Variants in ARMH4 observed in about 807,000 individuals in gnomAD.
The protein encoded by ARMH4 is armadillo-like helical domain-containing protein 4.
In ARMH4, 49 loss-of-function variants were observed where a neutral mutation model predicts 61.9. That is an observed-to-expected ratio of 0.79 (90% CI 0.63 to 1.00). The LOEUF (loss-of-function observed/expected upper bound fraction) is 1.00, where lower values mean the gene tolerates loss of function less well. Among genes scored for constraint, ARMH4 ranks in the 50% least tolerant of loss-of-function variants. ARMH4 has a pLI of 0.00. For missense variants in ARMH4, 934 were observed against 930.0 expected, an observed-to-expected ratio of 1.00 and a Z score of -0.06; for synonymous variants, 368 against 341.5, an observed-to-expected ratio of 1.08 and a Z score of -0.85.
intron 5 of ARMH4, among the ~76,000 whole-genome samples, chr14:58,015,053 T>A (rs1882556275): frequency 6.6e-6 from 1 of 152,238 alleles, no homozygotes; most frequent in Non-Finnish European, 1.5e-5. Context: ...AAGGCACTGA[T>A]AGGCTTGTGT....
intron 6 of ARMH4, among the ~76,000 whole-genome samples, chr14:58,011,843 A>G (rs574985927): frequency 6.6e-6 from 1 of 152,210 alleles, no homozygotes; most frequent in Non-Finnish European, 1.5e-5. Flanking sequence ...TGATATGTCA[A>G]TGATATTATT....
At position 58,144,977 on chromosome 14, in the gene ARMH4, T is replaced by A. The variant is rs1887691100; in HGVS notation, c.-56-5563A>T. ...AGACAAACTGACCTACTAAATTCTA[T>A]CTATATAGTCGAACAGTCATAAAAG... On this transcript the variant is annotated intron_variant, in intron 1 of 7. Transcript: ENST00000267485. Among the ~76,000 whole-genome samples, 2 of 152,222 alleles carry A rather than the reference T, an allele frequency of 1.3e-5. 1 individual carries two copies. The highest frequency in any genetic ancestry group is 1.3e-4 in the Admixed American group (2 of 15,280).
At chr14:58,077,258 A>G (rs186710840) in intron 5 of ARMH4, among the ~76,000 whole-genome samples, 130 of 152,308 alleles carry the variant, frequency 8.5e-4, no homozygotes, top group African/African-American at 3.1e-3. Flanking sequence ...TAAAGATGGT[A>G]AAGAGTGAGA....
chr14:58,100,787 T>C lies in ARMH4; in HGVS notation c.1832-3806A>G, dbSNP rs189404716. Among the ~76,000 whole-genome samples, 70 of 152,142 alleles carry C rather than the reference T, an allele frequency of 4.6e-4. 1 individual carries two copies. The highest frequency in any genetic ancestry group is 4.5e-3 in the Admixed American group (68 of 15,272). On this transcript the variant is annotated intron_variant, in intron 4 of 7. Coordinates refer to ENST00000267485, the MANE Select transcript of ARMH4 (RefSeq NM_001001872.4). ...GTACCCCCAAGACCAAGATCACAGC[T>C]TCACAATGTAGCAGGGACTCCTGGC...
chr14:58,075,600 T>C (rs537059949), intron 5 of ARMH4, among the ~76,000 whole-genome samples: 1 of 139,076 alleles, frequency 7.2e-6, no homozygotes, highest in East Asian at 2.0e-4. Flanking sequence ...CCGGGGCCTG[T>C]TGGGGGGTGG....
chr14:58,066,445 G>A (rs1428989523), intron 5 of ARMH4, among the ~76,000 whole-genome samples: 9 of 152,154 alleles, frequency 5.9e-5, no homozygotes, highest in Admixed American at 4.6e-4. Context: ...TAGGTACAGG[G>A]TTTTCTTTTG....
intron 5 of ARMH4, among the ~76,000 whole-genome samples, chr14:58,041,950 T>C (rs1430492014): frequency 6.6e-6 from 1 of 151,642 alleles, no homozygotes; most frequent in Non-Finnish European, 1.5e-5. Flanking sequence ...ATAAAGCAAG[T>C]CCTTAGAGAC....
intron 4 of ARMH4, among the ~76,000 whole-genome samples, chr14:58,111,413 C>T (rs1282601183): frequency 6.6e-6 from 1 of 152,122 alleles, no homozygotes; most frequent in African/African-American, 2.4e-5. Flanking sequence ...AAAACAAAAT[C>T]TAAGCTTTCA....
intron 1 of ARMH4, among the ~76,000 whole-genome samples, chr14:58,151,676 G>A (rs945612387): frequency 2.0e-5 from 3 of 152,248 alleles, no homozygotes; most frequent in African/African-American, 7.2e-5. Context: ...GTTGTTTTCG[G>A]GAACTTCTCT....
chr14:58,024,546 A>G lies in ARMH4; in HGVS notation c.2090-12396T>C, dbSNP rs564026556. Among the ~76,000 whole-genome samples the G allele has an allele frequency of 3.3e-5, 5 of 152,264 alleles. No individual in the cohort carries two copies. The East Asian group carries it at 9.6e-4, about 29-fold the overall frequency. On this transcript the variant is annotated intron_variant, in intron 5 of 7. Transcript: ENST00000267485. The stretch of plus-strand genomic sequence containing the variant: ...AGTAAGGTTGTTTCTATCTCTTATC[A>G]TTTGTGTGTGCACTAGAGTAGCATT...
intron 5 of ARMH4, among the ~76,000 whole-genome samples, chr14:58,093,575 T>G (rs567112707): frequency 6.6e-6 from 1 of 152,194 alleles, no homozygotes; most frequent in Admixed American, 6.5e-5. Context: ...TGTTAGGACA[T>G]AGACATCTTC....
chr14:58,120,353 C>CCA (rs59458573), intron 4 of ARMH4, among the ~76,000 whole-genome samples: 6,628 of 149,162 alleles, frequency 0.044, 210 homozygotes, highest in African/African-American at 0.09. Context: ...CTCCCCCATG[C>CCA]CACACACACA....
intron 6 of ARMH4, among the ~76,000 whole-genome samples, chr14:58,006,766 G>A (rs1462809424): frequency 7.3e-6 from 1 of 137,424 alleles, no homozygotes; most frequent in African/African-American, 2.6e-5. Context: ...GTCGTGGGGT[G>A]AGGGGAGGGG....
At chr14:58,015,431 T>G (rs1472915588) in intron 5 of ARMH4, among the ~76,000 whole-genome samples, 1 of 152,120 alleles carries the variant, frequency 6.6e-6, no homozygotes, top group Non-Finnish European at 1.5e-5. Flanking sequence ...TTGATGACAT[T>G]TCCCCATCTA....
chr14:58,126,535 A>C (rs750774562), intron 4 of ARMH4, among the ~76,000 whole-genome samples: 48 of 152,246 alleles, frequency 3.2e-4, no homozygotes, highest in Admixed American at 6.5e-4. Context: ...ATGTGCACAC[A>C]TGAAGGCAGG....
At chr14:58,132,243 A>C (rs917508494) in intron 3 of ARMH4, among the ~76,000 whole-genome samples, 4 of 152,214 alleles carry the variant, frequency 2.6e-5, no homozygotes, top group African/African-American at 9.7e-5. Flanking sequence ...TGAAAACTTC[A>C]CTGCCTTTAA....
At chr14:58,094,517 T>A (rs768081826) in intron 5 of ARMH4, among the ~76,000 whole-genome samples, 2 of 152,046 alleles carry the variant, frequency 1.3e-5, no homozygotes, top group Admixed American at 1.3e-4. Flanking sequence ...ACATGGTATA[T>A]CCATACAATT....
intron 5 of ARMH4, among the ~76,000 whole-genome samples, chr14:58,041,988 A>G (rs752892872): frequency 6.6e-6 from 1 of 152,098 alleles, no homozygotes; most frequent in Non-Finnish European, 1.5e-5. Context: ...CTCCCACACA[A>G]TAATAATGGG....
At chr14:58,083,273 G>C (rs878862259) in intron 5 of ARMH4, among the ~76,000 whole-genome samples, 3 of 152,066 alleles carry the variant, frequency 2.0e-5, no homozygotes, top group African/African-American at 7.2e-5. Context: ...TTAACCTTTG[G>C]AATAATGGAA....
Sources: gnomAD v4.1 joint callset for allele counts (sites outside exome capture counted in the v4.1 genomes callset) on GRCh38, gnomAD v4.1.1 for gene constraint, MANE v1.5 for transcripts, NCBI Gene and HGNC (gene_info 2026-07-23, HGNC 2026-07-21) for gene names.